Variants in SUCLG1 observed in about 807,000 individuals in gnomAD.
The protein encoded by SUCLG1 is succinate--CoA ligase [ADP/GDP-forming] subunit alpha, mitochondrial.
In SUCLG1, 26 loss-of-function variants were observed where a neutral mutation model predicts 37.3. The ratio of observed to expected loss-of-function variants is 0.70; its 90% confidence interval spans 0.51 to 0.97. SUCLG1 has a LOEUF of 0.97. SUCLG1 is among the 50% of genes least tolerant of loss of function. The probability of loss-of-function intolerance (pLI) is 0.00; values close to 1 mark genes in which losing one functional copy is unlikely to be tolerated. For missense variants in SUCLG1, 433 were observed against 432.9 expected (o/e 1.00, Z 0.00); for synonymous variants, 163 against 155.6 (o/e 1.05, Z -0.36).
chr2:84,433,743 T>A (rs1234746440), intron 5 of SUCLG1: 2 of 408,050 alleles, frequency 4.9e-6, no homozygotes, highest in South Asian at 2.3e-5. Context: ...GAAGCTAGTA[T>A]CAGTATAAAT....
intron 8 of SUCLG1, among the ~76,000 whole-genome samples, chr2:84,424,365 T>C (rs1333207723): frequency 9.4e-6 from 1 of 106,530 alleles, no homozygotes; most frequent in African/African-American, 3.6e-5. Context: ...TGGAAGAAAA[T>C]GGTAACACAC....
At chr2:84,452,023 T>C (rs977581240) in intron 1 of SUCLG1, among the ~76,000 whole-genome samples, 3 of 152,188 alleles carry the variant, frequency 2.0e-5, no homozygotes, top group African/African-American at 4.8e-5. Context: ...AGTTCGTTCA[T>C]TGATTCAATC....
chr2:84,426,126 C>G (rs1672532646), intron 7 of SUCLG1: 1 of 168,208 alleles, frequency 5.9e-6, no homozygotes, highest in Non-Finnish European at 1.3e-5. Context: ...CTTCTGCTTC[C>G]TCATCTATGA....
chr2:84,451,890 C>G (rs182452683), intron 1 of SUCLG1, among the ~76,000 whole-genome samples: 1 of 152,162 alleles, frequency 6.6e-6, no homozygotes, highest in South Asian at 2.1e-4. Flanking sequence ...AGACTATTAT[C>G]GTCTTACAGG....
chr2:84,450,319 CACTT>C (rs1672920615), intron 1 of SUCLG1, among the ~76,000 whole-genome samples: 1 of 150,562 alleles, frequency 6.6e-6, no homozygotes, highest in Non-Finnish European at 1.5e-5. Context: ...AATACAAAAT[CACTT>C]AATCTCTTCT....
chr2:84,425,513 CA>C lies in SUCLG1; in HGVS notation c.915del (p.Gly306GlufsTer69). 3 of 1,614,220 alleles carry C rather than the reference CA, an allele frequency of 1.9e-6. No individual in the cohort carries two copies. The highest frequency in any genetic ancestry group is 2.5e-6 in the Non-Finnish European group (3 of 1,180,042). On this transcript the variant is annotated frameshift_variant, in exon 8 of 9. Coordinates refer to ENST00000393868, the MANE Select transcript of SUCLG1 (RefSeq NM_003849.4). LOFTEE classifies it high-confidence loss of function. ...RRMGHAGAII[A>X]GGKGGAKEKI... Reference sequence around the variant, plus strand: ...TTCTCTTTAGCTCCACCTTTTCCTCCAGCAATAATTGCCCCGGCATGACCCA... The same window carrying C: ...TTCTCTTTAGCTCCACCTTTTCCTCCGCAATAATTGCCCCGGCATGACCCA...
intron 1 of SUCLG1, among the ~76,000 whole-genome samples, chr2:84,457,318 T>C (rs1219429591): frequency 6.6e-6 from 1 of 152,230 alleles, no homozygotes; most frequent in Non-Finnish European, 1.5e-5. Flanking sequence ...CATTGTTGTC[T>C]GTAACCCCTC....
intron 6 of SUCLG1, chr2:84,432,661 TAAA>T (rs1033874579): frequency 2.0e-5 from 3 of 152,188 alleles, no homozygotes; most frequent in African/African-American, 7.2e-5. Context: ...TGAATCTTAA[TAAA>T]AACACTCCAG....
intron 7 of SUCLG1, 174 bp from the exon 8 acceptor site, chr2:84,425,777 T>C: frequency 2.9e-6 from 2 of 690,332 alleles, no homozygotes; most frequent in Non-Finnish European, 5.0e-6. Flanking sequence ...TGCATTCTCC[T>C]TTGAGTTAAC....
chr2:84,452,314 C>T (rs925569546), intron 1 of SUCLG1, among the ~76,000 whole-genome samples: 5 of 152,110 alleles, frequency 3.3e-5, no homozygotes, highest in Admixed American at 1.3e-4. Context: ...TAAGTGACTT[C>T]CTAAAGTGAA....
At chr2:84,456,051 T>C (rs1336339142) in intron 1 of SUCLG1, among the ~76,000 whole-genome samples, 2 of 152,294 alleles carry the variant, frequency 1.3e-5, no homozygotes, top group East Asian at 3.9e-4. Context: ...GATTTGGTTA[T>C]TACATGCAAT....
intron 2 of SUCLG1, 111 bp downstream of exon 2, chr2:84,449,538 A>G: frequency 2.7e-6 from 2 of 741,906 alleles, no homozygotes; most frequent in Middle Eastern, 3.9e-4. Flanking sequence ...GCTGTACAGT[A>G]TATTTTTCTG....
intron 1 of SUCLG1, among the ~76,000 whole-genome samples, chr2:84,457,503 G>C (rs767579351): frequency 4.6e-5 from 7 of 152,188 alleles, no homozygotes; most frequent in Non-Finnish European, 8.8e-5. Context: ...GAAGAGGATT[G>C]AGAGGACTGC....
Position 84,444,080 on chromosome 2 carries a change from C to T in SUCLG1, c.202-680G>A, listed in dbSNP as rs116548156. ...CATTAGATGCCAGTAGCACACCCTC[C>T]TAACTCTCATAATTCCATCCAGTTA... On this transcript the variant is annotated intron_variant, in intron 2 of 8. Transcript: ENST00000393868. Among the ~76,000 whole-genome samples, 1,068 of 152,282 alleles carry T rather than the reference C, an allele frequency of 7.0e-3. 13 individuals carry two copies. Among genetic ancestry groups the T allele is most frequent in the African/African-American group, 0.025 (1,023 of 41,540 alleles).
chr2:84,451,473 T>G (rs1672941467), intron 1 of SUCLG1, among the ~76,000 whole-genome samples: 1 of 152,192 alleles, frequency 6.6e-6, no homozygotes, highest in African/African-American at 2.4e-5. Flanking sequence ...AATTCACTTC[T>G]CCTTCCACAG....
Position 84,447,962 on chromosome 2 carries a change from G to T in SUCLG1, c.201+1687C>A, listed in dbSNP as rs563979092. Among the ~76,000 whole-genome samples, 7 of 152,022 alleles carry T rather than the reference G, an allele frequency of 4.6e-5. No individual in the cohort carries two copies. The South Asian group carries it at 1.5e-3, about 32-fold the overall frequency. ...GCCCAGGCTGGTCTCAAACTCCTGG[G>T]TTCTAGCAATCCTGCTGCTCTGGCT... On this transcript the variant is annotated intron_variant, in intron 2 of 8. Coordinates refer to ENST00000393868, the MANE Select transcript of SUCLG1 (RefSeq NM_003849.4).
rs576454537 is a variant in SUCLG1, at chr2:84,433,066, T to TAA, written c.673+285_673+286insTT. The stretch of plus-strand genomic sequence containing the variant: ...CAAAAGTCCTAATATAAGGAACCAT[T>TAA]TCTTCAGAGCAATCAAACCAAGTGA... On this transcript the variant is annotated intron_variant, in intron 6 of 8. Transcript: ENST00000393868. 5.1e-4 allele frequency: 239 copies of TAA among 470,820 alleles called. 1 individual carries two copies. The highest frequency in any genetic ancestry group is 4.2e-3 in the African/African-American group (216 of 50,990). 29.2% of individuals were successfully genotyped at this position (470,820 alleles called of 1,614,324 possible). A position where few individuals can be genotyped will look rare whatever the true frequency, so the allele number is the denominator to read the frequency against.
chr2:84,443,343 T>A lies in SUCLG1; in HGVS notation c.259A>T (p.Thr87Ser). 1.9e-6 allele frequency: 3 copies of A among 1,614,034 alleles called. No homozygotes were observed. The highest frequency in any genetic ancestry group is 1.1e-5 in the South Asian group (1 of 91,070). The change falls in exon 3 of 9, where the codon ACT becomes TCT. Residue 87 changes from threonine (T) to serine (S), a missense_variant. Transcript: ENST00000393868. ...TGTGTCTGGCCTCCTTTCCCTGGAG[T>A]GGTTCCTCCAACGAGTTTGGTGCCA... ...EYGTKLVGGTTPGKGGQTHLG... is the reference protein window; with the variant it reads ...EYGTKLVGGTSPGKGGQTHLG...
At chr2:84,427,313 G>A (rs1426815053) in intron 7 of SUCLG1, among the ~76,000 whole-genome samples, 2 of 152,196 alleles carry the variant, frequency 1.3e-5, no homozygotes, top group African/African-American at 4.8e-5. Flanking sequence ...TTACAGGTTA[G>A]GTGCAATGTT....
Sources: gnomAD v4.1 joint callset for allele counts (sites outside exome capture counted in the v4.1 genomes callset) on GRCh38, gnomAD v4.1.1 for gene constraint, MANE v1.5 for transcripts, NCBI Gene and HGNC (gene_info 2026-07-23, HGNC 2026-07-21) for gene names.